The following BCL3 variants were observed in gnomAD, a reference collection of about 807,000 sequenced individuals.
BCL3 encodes the protein BCL3 transcription coactivator.
BCL3 carries 15 observed loss-of-function variants against 35.7 expected under a neutral mutation model. That is an observed-to-expected ratio of 0.42 (90% CI 0.28 to 0.65). The LOEUF (loss-of-function observed/expected upper bound fraction) is 0.65. Among genes scored for constraint, BCL3 ranks in the 30% least tolerant of loss-of-function variants. BCL3 has a pLI of 0.22. For synonymous variants in BCL3, 311 were observed against 284.3 expected, an observed-to-expected ratio of 1.09 and a Z score of -0.95; for missense variants, 565 against 641.7, an observed-to-expected ratio of 0.88 and a Z score of 1.29.
chr19:44,755,922 C>CAAATA (rs376405958), intron 2 of BCL3, among the ~76,000 whole-genome samples: 2,001 of 151,990 alleles, frequency 0.013, 18 homozygotes, highest in African/African-American at 0.019. Flanking sequence ...CCGTCTCAAA[C>CAAATA]AAATAAAATA....
At chr19:44,754,311 G>A (rs1375783284) in intron 2 of BCL3, among the ~76,000 whole-genome samples, 1 of 152,144 alleles carries the variant, frequency 6.6e-6, no homozygotes, top group Non-Finnish European at 1.5e-5. Context: ...CCCCCAGGCG[G>A]GAGGACTCGG....
chr19:44,748,528 G>C (rs1967109792), upstream of BCL3: 1 of 212,956 alleles, frequency 4.7e-6, no homozygotes, highest in Admixed American at 6.5e-5. Context: ...GGCCGGGAGG[G>C]GGCAAGCGGG....
At chr19:44,748,581 G>A (rs1424879833), upstream of BCL3, 1 of 447,128 alleles carries the variant, frequency 2.2e-6, no homozygotes, top group Non-Finnish European at 3.0e-6. Context: ...ACCTCAGAGC[G>A]GCGGGAGCAG....
At chr19:44,754,521 G>C (rs968703034) in intron 2 of BCL3, among the ~76,000 whole-genome samples, 2 of 152,218 alleles carry the variant, frequency 1.3e-5, no homozygotes, top group Non-Finnish European at 2.9e-5. Context: ...GGAAGTCCGA[G>C]GGCTGGGTCG....
chr19:44,756,058 G>A (rs1210979630), intron 2 of BCL3, 174 bp from the exon 3 acceptor site: 4 of 419,562 alleles, frequency 9.5e-6, no homozygotes, highest in Admixed American at 4.5e-5. Flanking sequence ...GGCTAAAGCA[G>A]GATGGAGGGA....
chr19:44,757,233 C>CCG lies in BCL3; in HGVS notation c.724+15_724+16dup, dbSNP rs1479779429. On this transcript the variant is annotated intron_variant, in intron 4 of 8. Coordinates refer to ENST00000164227, the MANE Select transcript of BCL3 (RefSeq NM_005178.5). This position sits in a 1 kb window ranked among gnomAD's most constrained non-coding sequence, Gnocchi z 8.4. Reference sequence around the variant, plus strand: ...CCGCAATTATGACGGTAAGCATTTACCGCGGGGCACCGCTGGGCTGTCCAG... The same window carrying CCG: ...CCGCAATTATGACGGTAAGCATTTACCGCGCGGGGCACCGCTGGGCTGTCCAG... 1 of 1,546,266 alleles carries CCG rather than the reference C, an allele frequency of 6.5e-7. No individual in the cohort carries two copies. Among genetic ancestry groups the CCG allele is most frequent in the African/African-American group, 1.4e-5 (1 of 73,134 alleles).
intron 2 of BCL3, among the ~76,000 whole-genome samples, chr19:44,752,147 T>C (rs567605435): frequency 4.5e-4 from 68 of 151,726 alleles, no homozygotes; most frequent in Non-Finnish European, 7.9e-4. Context: ...GAAACAATAC[T>C]CGCCCTTACT....
At chr19:44,756,585 GGATCTGGAC>G (rs1967290588) in intron 3 of BCL3, among the ~76,000 whole-genome samples, 1 of 144,526 alleles carries the variant, frequency 6.9e-6, no homozygotes, top group African/African-American at 2.7e-5. Flanking sequence ...GGAGGGCTGG[GGATCTGGAC>G]TCCTGGGTCT....
intron 2 of BCL3, 50 bp from the exon 3 acceptor site, chr19:44,756,182 G>A: frequency 7.8e-7 from 1 of 1,278,162 alleles, no homozygotes; most frequent in Non-Finnish European, 1.0e-6. Flanking sequence ...ATGAGGGTGA[G>A]AGGTGAACAA....
intron 2 of BCL3, among the ~76,000 whole-genome samples, chr19:44,754,541 T>C (rs1254178213): frequency 6.6e-6 from 1 of 151,350 alleles, no homozygotes; most frequent in Non-Finnish European, 1.5e-5. Context: ...GCCCCTCCCG[T>C]CCCCACTTCC....
chr19:44,758,989 T>G, intron 8 of BCL3, 148 bp downstream of exon 8: 1 of 568,916 alleles, frequency 1.8e-6, no homozygotes, highest in South Asian at 2.1e-5. Context: ...TAGCCCCTCC[T>G]CCCTCAGACC....
chr19:44,758,129 A>T, intron 6 of BCL3, 117 bp from the exon 7 acceptor site: 3 of 1,099,390 alleles, frequency 2.7e-6, no homozygotes, highest in Non-Finnish European at 3.7e-6. Context: ...CCTTCCTGTG[A>T]CCCCACCCCG....
chr19:44,759,565 C>G lies in BCL3; in HGVS notation c.1315C>G (p.Arg439Gly). 6.2e-7 allele frequency: 1 copy of G among 1,611,508 alleles called. No individual in the cohort carries two copies. The change falls in exon 9 of 9, where the codon CGA becomes GGA. Residue 439 changes from arginine (R) to glycine (G), a missense_variant. By Grantham distance (125) the Arg-to-Gly change is moderately radical. This residue lies in a region of BCL3 where 151 missense variants were observed against 138.1 expected (regional missense o/e 1.09). Transcript: ENST00000164227. ...PAFLPFAGVL[R>G]GPGRPVPPSP... is the part of the protein sequence containing the mutation. ...CTTCCTGCCCTTTGCTGGGGTCCTC[C>G]GAGGCCCTGGCCGGCCGGTGCCCCC...
chr19:44,758,016 C>T (rs1455829832), intron 6 of BCL3, among the ~76,000 whole-genome samples: 1 of 152,234 alleles, frequency 6.6e-6, no homozygotes, highest in African/African-American at 2.4e-5. Context: ...TTCCCCCCTC[C>T]AGCTCCCCCG....
intron 1 of BCL3, among the ~76,000 whole-genome samples, chr19:44,750,283 G>A (rs112949028): frequency 0.12 from 14,413 of 118,198 alleles, 849 homozygotes; most frequent in African/African-American, 0.26. Flanking sequence ...TGGTCCCCTC[G>A]CCTTTGTTTG....
chr19:44,757,469 T>C lies in BCL3; in HGVS notation c.813+54T>C. ...GCGGGGCCTTAGCAGGGGCGGGGTCTTGGCGGGGGCGGGGCCAGTGTGGGG... is the reference window on the plus strand; with the variant it reads ...GCGGGGCCTTAGCAGGGGCGGGGTCCTGGCGGGGGCGGGGCCAGTGTGGGG... On this transcript the variant is annotated intron_variant, in intron 5 of 8. Coordinates refer to ENST00000164227, the MANE Select transcript of BCL3 (RefSeq NM_005178.5). The surrounding 1 kb of genome is among the most constrained non-coding windows in gnomAD (Gnocchi z 8.4). 6.8e-7 allele frequency: 1 copy of C among 1,460,596 alleles called. No individual in the cohort carries two copies. Among genetic ancestry groups the C allele is most frequent in the Non-Finnish European group, 9.3e-7 (1 of 1,073,328 alleles). The allele number at this position is 1,460,596 out of a possible 1,614,324, so 90.5% of individuals were successfully genotyped here.
Position 44,751,284 on chromosome 19 carries a change from A to C in BCL3, c.314A>C (p.Asn105Thr). The C allele has an allele frequency of 6.2e-7, 1 of 1,610,126 alleles. No individual in the cohort carries two copies. The highest frequency in any genetic ancestry group is 8.5e-7 in the Non-Finnish European group (1 of 1,178,624). Residue 105 changes from asparagine to threonine, a missense_variant, in exon 2 of 9, where the codon AAC (asparagine) becomes ACC (threonine). Transcript: ENST00000164227. ...RAMGSPFPLV[N>T]LPTPLYPMMC... ...ATGGGCTCCCCGTTTCCTCTGGTGAACCTGCCTACACCCCTATACCCCATG... is the reference window on the plus strand; with the variant it reads ...ATGGGCTCCCCGTTTCCTCTGGTGACCCTGCCTACACCCCTATACCCCATG...
chr19:44,758,507 T>A (rs1967344269), intron 7 of BCL3, 94 bp downstream of exon 7: 2 of 1,465,148 alleles, frequency 1.4e-6, no homozygotes, highest in Non-Finnish European at 1.8e-6. Context: ...AGTGAGGGTG[T>A]CTGTGCCGTT....
In BCL3 at chr19:44,751,221, G is replaced by C; in HGVS notation, c.257-6G>C. 1 of 1,607,546 alleles carries C rather than the reference G, an allele frequency of 6.2e-7. No homozygotes were observed. The highest frequency in any genetic ancestry group is 8.5e-7 in the Non-Finnish European group (1 of 1,177,626). On this transcript the variant is annotated splice_region_variant and splice_polypyrimidine_tract_variant and intron_variant, in intron 1 of 8. Coordinates refer to ENST00000164227, the MANE Select transcript of BCL3 (RefSeq NM_005178.5). Reference sequence around the variant, plus strand: ...CCATGTCCCTTCTCTGTCCTCCATTGTCCAGGAGCCTTACTGCCTTTGTAC... The same window carrying C: ...CCATGTCCCTTCTCTGTCCTCCATTCTCCAGGAGCCTTACTGCCTTTGTAC...
Sources: gnomAD v4.1 joint callset for allele counts (sites outside exome capture counted in the v4.1 genomes callset) on GRCh38, gnomAD v4.1.1 for gene constraint, gnomAD v4.1.1 regional missense constraint, Gnocchi (gnomAD v3.1) non-coding constraint, MANE v1.5 for transcripts, NCBI Gene and HGNC (gene_info 2026-07-23, HGNC 2026-07-21) for gene names.